The following ESRRG variants were observed in gnomAD, a reference collection of about 807,000 sequenced individuals.
The protein encoded by ESRRG is estrogen related receptor gamma.
In ESRRG, 13 loss-of-function variants were observed where a neutral mutation model predicts 44.0. That is an observed-to-expected ratio of 0.30 (90% confidence interval 0.19 to 0.47). The LOEUF is 0.47. Ranked by LOEUF, ESRRG falls within the 20% of genes least tolerant of loss-of-function variation. The pLI, the probability that ESRRG is intolerant of heterozygous loss-of-function variation, is 1.00. For missense variants in ESRRG, 395 were observed against 580.6 expected, an observed-to-expected ratio of 0.68 and a Z score of 3.29; for synonymous variants, 215 against 214.6, an observed-to-expected ratio of 1.00 and a Z score of -0.02.
At chr1:217,091,731 G>T (rs1339220), upstream of ESRRG, among the ~76,000 whole-genome samples, 146,050 of 152,172 alleles carry the variant, frequency 0.96, 70,388 homozygotes, top group Middle Eastern at 1. Flanking sequence ...GTTACCAGAG[G>T]CATAGATGTT....
intron 2 of ESRRG, among the ~76,000 whole-genome samples, chr1:216,861,003 C>T (rs997912987): frequency 2.6e-4 from 40 of 151,930 alleles, no homozygotes; most frequent in Admixed American, 5.2e-4. Flanking sequence ...AAGTCTCAAA[C>T]AATAAATGAA....
intron 1 of ESRRG, among the ~76,000 whole-genome samples, chr1:217,031,903 T>G (rs4846804): frequency 0.6 from 90,485 of 152,038 alleles, 27,003 homozygotes; most frequent in East Asian, 0.7. Flanking sequence ...GGAAATGTGA[T>G]TCAATTAAAA....
Position 216,847,555 on chromosome 1 carries a change from C to A in ESRRG, c.-14+92027G>T, listed in dbSNP as rs191826109. 9.9e-5 allele frequency among the ~76,000 whole-genome samples: 15 copies of A among 152,176 alleles called. No homozygotes were observed. In the East Asian group the frequency reaches 2.9e-3, roughly 30 times the overall value. On this transcript the variant is annotated intron_variant, in intron 2 of 7. Coordinates refer to the ESRRG transcript ENST00000359162. ...CACCAACACATCCTTTCTCGGCAAC[C>A]AACCAGAGATGATGAGAGCCAGGAT...
chr1:216,507,571 C>T (rs1033959978), intron 6 of ESRRG, among the ~76,000 whole-genome samples: 4 of 152,124 alleles, frequency 2.6e-5, no homozygotes, highest in Non-Finnish European at 4.4e-5. Context: ...TATCTTAGTG[C>T]TGTGTGGGGG....
intron 1 of ESRRG, among the ~76,000 whole-genome samples, chr1:216,711,575 G>A (rs2083609552): frequency 6.6e-6 from 1 of 152,162 alleles, no homozygotes; most frequent in South Asian, 2.1e-4. Context: ...TGGCATTTGT[G>A]ACATGGTCTT....
intron 5 of ESRRG, among the ~76,000 whole-genome samples, chr1:216,542,538 A>T (rs921404532): frequency 3.9e-5 from 6 of 152,000 alleles, no homozygotes; most frequent in African/African-American, 9.7e-5. Context: ...CTGCCATATG[A>T]AGGCTTATAC....
At chr1:216,961,430 A>G (rs2069034249) in intron 1 of ESRRG, among the ~76,000 whole-genome samples, 1 of 152,204 alleles carries the variant, frequency 6.6e-6, no homozygotes, top group Admixed American at 6.5e-5. Context: ...AAAGGATACC[A>G]TAAAGAAAAT....
intron 2 of ESRRG, among the ~76,000 whole-genome samples, chr1:216,668,264 A>C (rs966552134): frequency 7.6e-6 from 1 of 131,278 alleles, no homozygotes; most frequent in African/African-American, 2.6e-5. Context: ...CTAATCTGAC[A>C]TGAGCTATAG....
chr1:216,591,453 T>C (rs572190577), intron 3 of ESRRG, among the ~76,000 whole-genome samples: 2 of 152,306 alleles, frequency 1.3e-5, no homozygotes, highest in Non-Finnish European at 2.9e-5. Context: ...AGCATCAGAA[T>C]TGAACTGAAG....
intron 1 of ESRRG, among the ~76,000 whole-genome samples, chr1:216,993,547 GA>G (rs2076002548): frequency 6.6e-6 from 1 of 152,158 alleles, no homozygotes; most frequent in African/African-American, 2.4e-5. Context: ...CCTGCAGTGT[GA>G]AAAAAGCCTA....
intron 1 of ESRRG, among the ~76,000 whole-genome samples, chr1:217,046,931 G>A (rs1408686994): frequency 6.6e-6 from 1 of 152,098 alleles, no homozygotes; most frequent in Non-Finnish European, 1.5e-5. Flanking sequence ...TCATTGGAAA[G>A]AGACAAAATT....
intron 6 of ESRRG, among the ~76,000 whole-genome samples, chr1:216,516,102 A>C (rs139424946): frequency 0.014 from 2,055 of 152,208 alleles, 45 homozygotes; most frequent in African/African-American, 0.047. Flanking sequence ...GTTTTCTTTT[A>C]AAATTCAGTT....
chr1:217,130,115 T>C (rs766184484), intron 1 of ESRRG, among the ~76,000 whole-genome samples: 31 of 152,234 alleles, frequency 2.0e-4, no homozygotes, highest in Admixed American at 3.9e-4. Flanking sequence ...ATCTAGAAGA[T>C]AGCAGCTGAC....
chr1:216,536,400 G>A (rs1376179616), intron 5 of ESRRG, among the ~76,000 whole-genome samples: 1 of 152,038 alleles, frequency 6.6e-6, no homozygotes, highest in African/African-American at 2.4e-5. Flanking sequence ...TTGGGAGTTA[G>A]CTATGTTTTG....
intron 1 of ESRRG, among the ~76,000 whole-genome samples, chr1:216,958,157 C>T (rs1202209761): frequency 1.3e-5 from 2 of 152,060 alleles, no homozygotes; most frequent in South Asian, 2.1e-4. Flanking sequence ...GTATAAATAT[C>T]CCCTAATTAA....
intron 1 of ESRRG, 40 bp downstream of exon 1, chr1:216,723,204 C>T: frequency 6.4e-7 from 1 of 1,556,604 alleles, no homozygotes; most frequent in Non-Finnish European, 8.9e-7. Flanking sequence ...CCCCCGCACC[C>T]CCACGACGAG....
chr1:216,734,049 G>A (rs1452658281), intron 2 of ESRRG, among the ~76,000 whole-genome samples: 6 of 151,736 alleles, frequency 4.0e-5, no homozygotes, highest in African/African-American at 1.2e-4. Context: ...TTCCTGAAGG[G>A]GCACCAGGCA....
chr1:216,630,874 C>T (rs987700170), intron 3 of ESRRG, among the ~76,000 whole-genome samples: 1 of 151,852 alleles, frequency 6.6e-6, no homozygotes, highest in East Asian at 2.0e-4. Flanking sequence ...AGAATGCTGT[C>T]CTGATGATAA....
chr1:216,963,020 C>T (rs2069446019), intron 1 of ESRRG, among the ~76,000 whole-genome samples: 1 of 152,132 alleles, frequency 6.6e-6, no homozygotes, highest in African/African-American at 2.4e-5. Context: ...TGAACAAGTT[C>T]TATAATTTCT....
Sources: allele counts gnomAD v4.1 joint callset (sites outside exome capture counted in the v4.1 genomes callset), GRCh38; gene constraint gnomAD v4.1.1; transcripts MANE v1.5; gene names NCBI Gene and HGNC (gene_info 2026-07-23, HGNC 2026-07-21).